URB2: variants seen among roughly 807,000 people sequenced by gnomAD.
URB2 encodes unhealthy ribosome biogenesis protein 2 homolog.
A neutral mutation model predicts 120.9 loss-of-function variants in URB2; 86 were observed. That is an observed-to-expected ratio of 0.71 (90% CI 0.60 to 0.85). URB2 has a LOEUF of 0.85. URB2 is among the 40% of genes least tolerant of loss of function. URB2 has a pLI of 0.00. For synonymous variants in URB2, 755 were observed against 758.4 expected (o/e 1.00, Z 0.07); for missense variants, 1,765 against 1,836.5 (o/e 0.96, Z 0.71).
At chr1:229,630,178 A>G (rs1665624492) in intron 2 of URB2, among the ~76,000 whole-genome samples, 1 of 152,220 alleles carries the variant, frequency 6.6e-6, no homozygotes, top group Non-Finnish European at 1.5e-5. Context: ...ACTGGCATCT[A>G]GAGTGGTGAT....
At chr1:229,654,466 G>A in intron 9 of URB2, 78 bp downstream of exon 9, 2 of 1,590,330 alleles carry the variant, frequency 1.3e-6, no homozygotes, top group South Asian at 2.3e-5. Flanking sequence ...AAAATGGCAA[G>A]CGGTGTTCTG....
rs935095826 is a variant in URB2 at position 229,635,953 on chromosome 1, A to C, written c.1340A>C (p.Lys447Thr). ...DAEVTEFRTK[K>T]AQEALIRTVF... ...GAGGTAACAGAGTTTCGAACCAAAA[A>C]AGCCCAGGAGGCGCTTATTCGTACT... The change falls in exon 4 of 10, where the codon AAA becomes ACA. Residue 447 changes from lysine to threonine, a missense_variant. By Grantham distance (78) the Lys-to-Thr change is moderately conservative (BLOSUM62 -1). Transcript: ENST00000258243. The C allele has an allele frequency of 1.2e-6, 2 of 1,614,254 alleles. No homozygotes were observed. The highest frequency in any genetic ancestry group is 1.7e-5 in the Admixed American group (1 of 60,034).
chr1:229,643,583 G>A lies in URB2; in HGVS notation c.3685G>A (p.Ala1229Thr), dbSNP rs936627863. ...VTQDIEPHLG[A>T]LFTQMLEVGT... ...TCAGGATATTGAGCCTCATTTGGGA[G>A]CCTTGTTCACCCAAATGTTAGAGGT... Residue 1229 changes from alanine to threonine, a missense_variant, in exon 5 of 10, where the codon GCC (alanine) becomes ACC (threonine). Transcript: ENST00000258243. The A allele has an allele frequency of 1.9e-6, 3 of 1,614,236 alleles. No individual in the cohort carries two copies. The highest frequency in any genetic ancestry group is 4.5e-5 in the East Asian group (2 of 44,894).
intron 9 of URB2, among the ~76,000 whole-genome samples, chr1:229,658,053 G>A (rs1666445788): frequency 6.6e-6 from 1 of 152,078 alleles, no homozygotes; most frequent in African/African-American, 2.4e-5. Flanking sequence ...TCTAGTATAA[G>A]GTGAATTTTA....
Position 229,632,277 on chromosome 1 carries a change from T to G in URB2, c.135T>G (p.Leu45=), listed in dbSNP as rs763417572. The change falls in exon 3 of 10, where the codon CTT becomes CTG. Residue 45 remains leucine (L), a synonymous_variant. Coordinates refer to ENST00000258243, the MANE Select transcript of URB2 (RefSeq NM_014777.4). The stretch of plus-strand genomic sequence containing the variant: ...GTGTCCTTCAAATTCAGGTGTTACT[T>G]GATTGGGCAAGACAATCATTGGTTG... ...CFLPNKEQVL[L]DWARQSLVAF... 7.7e-6 allele frequency: 12 copies of G among 1,554,918 alleles called. No homozygotes were observed. Among genetic ancestry groups the G allele is most frequent in the South Asian group, 2.6e-5 (2 of 78,406 alleles).
At chr1:229,655,079 G>A (rs1438019771) in intron 9 of URB2, among the ~76,000 whole-genome samples, 1 of 152,164 alleles carries the variant, frequency 6.6e-6, no homozygotes, top group African/African-American at 2.4e-5. Context: ...CTGGCGGTGT[G>A]TCACTCATGT....
intron 2 of URB2, among the ~76,000 whole-genome samples, chr1:229,630,183 G>T (rs1665624580): frequency 6.6e-6 from 1 of 152,162 alleles, no homozygotes; most frequent in African/African-American, 2.4e-5. Context: ...CATCTAGAGT[G>T]GTGATTCTTT....
At chr1:229,634,080 G>A (rs527952742) in intron 3 of URB2, among the ~76,000 whole-genome samples, 2 of 151,738 alleles carry the variant, frequency 1.3e-5, no homozygotes, top group Non-Finnish European at 2.9e-5. Context: ...GATCCGCCCC[G>A]ACTCAGCCTC....
chr1:229,632,190 C>A (rs1330965595), intron 2 of URB2, 79 bp from the exon 3 acceptor site: 70 of 1,338,602 alleles, frequency 5.2e-5, no homozygotes, highest in Non-Finnish European at 6.7e-5. Flanking sequence ...TTGCTTATAC[C>A]TGTAATGTCC....
rs553562060 is a variant in URB2 at position 229,647,595 on chromosome 1, G to A, written c.3992G>A (p.Arg1331Gln). ...TTAGATGTCCTGGCTGCACTGCTGC[G>A]GCAGGGGGAGGAGGCCATCGGCAAC... ...PVLDVLAALL[R>Q]QGEEAIGNPH... The change falls in exon 7 of 10, where the codon CGG (arginine) becomes CAG (glutamine). Residue 1331 changes from arginine (R) to glutamine (Q), a missense_variant. Coordinates refer to ENST00000258243, the MANE Select transcript of URB2 (RefSeq NM_014777.4). 339 of 1,614,162 alleles carry A rather than the reference G, an allele frequency of 2.1e-4. No individual in the cohort carries two copies. Among genetic ancestry groups the A allele is most frequent in the Non-Finnish European group, 2.7e-4 (324 of 1,180,038 alleles).
rs546731032 is a variant in URB2 at position 229,651,415 on chromosome 1, C to T, written c.4237+93C>T. On this transcript the variant is annotated intron_variant, in intron 8 of 9. Coordinates refer to ENST00000258243, the MANE Select transcript of URB2 (RefSeq NM_014777.4). ...ATGTTACTGAAAATAAAACTACTCA[C>T]TTGTGTTTAAATAAGAGAAATGATA... 47 of 1,032,768 alleles carry T rather than the reference C, an allele frequency of 4.6e-5. 1 individual carries two copies. In the South Asian group the frequency reaches 1.1e-3, roughly 23 times the overall value. 64.0% of individuals were successfully genotyped at this position (1,032,768 alleles called of 1,614,324 possible).
Position 229,637,469 on chromosome 1 carries a change from G to A in URB2, c.2856G>A (p.Leu952=). The part of the protein sequence containing the change: ...LTTCYQLLGY[L]QKGKSARSVF... The stretch of plus-strand genomic sequence containing the variant: ...CTTGCTACCAACTTCTTGGTTACTT[G>A]CAAAAGGGGAAAAGTGCTCGCTCTG... Residue 952 remains leucine, a synonymous_variant, in exon 4 of 10, where the codon TTG becomes TTA. Transcript: ENST00000258243. 1.9e-6 allele frequency: 3 copies of A among 1,614,116 alleles called. No individual in the cohort carries two copies. Among genetic ancestry groups the A allele is most frequent in the Non-Finnish European group, 2.5e-6 (3 of 1,180,038 alleles).
chr1:229,659,435 T>A lies in URB2; in HGVS notation c.*138T>A. The A allele has an allele frequency of 1.1e-6, 1 of 876,862 alleles. No individual in the cohort carries two copies. The highest frequency in any genetic ancestry group is 1.7e-6 in the Non-Finnish European group (1 of 590,562). The allele number at this position is 876,862 out of a possible 1,614,324, so 54.3% of individuals were successfully genotyped here. A position where few individuals can be genotyped will look rare whatever the true frequency, so the allele number is the denominator to read the frequency against. On this transcript the variant is annotated 3_prime_UTR_variant, in exon 10 of 10. Transcript: ENST00000258243. ...CATAGAAAATCCTTTGGGGTTTATG[T>A]AGTATATTTTGATGTATTTTACATC...
At position 229,636,092 on chromosome 1, in the gene URB2, C is replaced by A; in HGVS notation, c.1479C>A (p.Gly493=). The A allele has an allele frequency of 6.2e-7, 1 of 1,614,246 alleles. No homozygotes were observed. Among genetic ancestry groups the A allele is most frequent in the Non-Finnish European group, 8.5e-7 (1 of 1,180,050 alleles). The change falls in exon 4 of 10, where the codon GGC becomes GGA. Residue 493 remains glycine, a synonymous_variant. Coordinates refer to ENST00000258243, the MANE Select transcript of URB2 (RefSeq NM_014777.4). ...TGAGGCAGCCTGTGCTGGCCTCGGGCCCCTCCACGGTACTCTCTGCATGCC... is the reference window on the plus strand; with the variant it reads ...TGAGGCAGCCTGTGCTGGCCTCGGGACCCTCCACGGTACTCTCTGCATGCC... ...EALRQPVLAS[G]PSTVLSACLL... is the part of the protein sequence containing the mutation.
chr1:229,640,203 A>G (rs1262412067), intron 4 of URB2, among the ~76,000 whole-genome samples: 2 of 152,266 alleles, frequency 1.3e-5, no homozygotes, highest in African/African-American at 2.4e-5. Flanking sequence ...TAATAAGAAT[A>G]AATCAAAATA....
chr1:229,627,703 A>G lies in URB2; in HGVS notation c.70A>G (p.Lys24Glu). 1.9e-6 allele frequency: 3 copies of G among 1,613,432 alleles called. No homozygotes were observed. The highest frequency in any genetic ancestry group is 2.5e-6 in the Non-Finnish European group (3 of 1,179,632). ...GACAACTTCCTGGGAAGATAAACTA[A>G]AACTAGCTCACTTTGCTTGGATTTC... ...SKTTSWEDKL[K>E]LAHFAWISHQ... Residue 24 changes from lysine to glutamate, a missense_variant, in exon 2 of 10, where the codon AAA (lysine) becomes GAA (glutamate). Lys to Glu is a moderately conservative substitution (Grantham distance 56, BLOSUM62 1). Coordinates refer to ENST00000258243, the MANE Select transcript of URB2 (RefSeq NM_014777.4).
At position 229,626,312 on chromosome 1, in the gene URB2, C is replaced by G. The variant is rs1665471991; in HGVS notation, c.-58C>G. 6.5e-6 allele frequency: 1 copy of G among 153,636 alleles called. No individual in the cohort carries two copies. The highest frequency in any genetic ancestry group is 2.0e-4 in the South Asian group (1 of 4,976). The allele number at this position is 153,636 out of a possible 1,614,324, so 9.5% of individuals were successfully genotyped here. The stretch of plus-strand genomic sequence containing the variant: ...GCTGCCGCCGTCCTCCCCTGTCTAC[C>G]CGGAGCTGTCTCGAGCTGAGCCCCC... On this transcript the variant is annotated 5_prime_UTR_variant, in exon 1 of 10. Transcript: ENST00000258243.
At chr1:229,632,515 G>T in intron 3 of URB2, 70 bp downstream of exon 3, 1 of 1,340,338 alleles carries the variant, frequency 7.5e-7, no homozygotes, top group Non-Finnish European at 9.9e-7. Context: ...CTGGAAACTT[G>T]TTTTAGTGTC....
At chr1:229,627,024 C>G (rs1665507011) in intron 1 of URB2, among the ~76,000 whole-genome samples, 3 of 152,156 alleles carry the variant, frequency 2.0e-5, no homozygotes, top group Admixed American at 1.3e-4. Context: ...TTGCTACCCC[C>G]GAGATTTCAT....
Sources: allele counts gnomAD v4.1 joint callset (sites outside exome capture counted in the v4.1 genomes callset), GRCh38; gene constraint gnomAD v4.1.1; transcripts MANE v1.5; gene names NCBI Gene and HGNC (gene_info 2026-07-23, HGNC 2026-07-21).